The following EFCAB11 variants were observed in gnomAD, a reference collection of about 807,000 sequenced individuals.
The protein encoded by EFCAB11 is EF-hand calcium binding domain 11, also known as EF-hand calcium-binding domain-containing protein 11.
EFCAB11 carries 14 observed loss-of-function variants against 23.0 expected under a neutral mutation model. The ratio of observed to expected loss-of-function variants is 0.61; its 90% confidence interval spans 0.40 to 0.95. The LOEUF is 0.95. Among genes scored for constraint, EFCAB11 ranks in the 40% least tolerant of loss-of-function variants. EFCAB11 has a pLI of 0.00. For missense variants in EFCAB11, 198 were observed against 195.8 expected (o/e 1.01, Z -0.07); for synonymous variants, 65 against 66.6 (o/e 0.98, Z 0.11).
intron 5 of EFCAB11, among the ~76,000 whole-genome samples, chr14:89,810,332 G>C (rs1259072894): frequency 6.6e-6 from 1 of 152,140 alleles, no homozygotes; most frequent in East Asian, 1.9e-4. Flanking sequence ...AAGAACATTT[G>C]GATCCTGCTA....
At chr14:89,936,552 A>C (rs1035305638) in intron 3 of EFCAB11, among the ~76,000 whole-genome samples, 3 of 152,182 alleles carry the variant, frequency 2.0e-5, no homozygotes, top group African/African-American at 7.2e-5. Flanking sequence ...TTTATTTCTT[A>C]AAGTCCATAC....
At chr14:89,866,604 T>C (rs375740764) in intron 5 of EFCAB11, among the ~76,000 whole-genome samples, 3 of 152,192 alleles carry the variant, frequency 2.0e-5, no homozygotes, top group African/African-American at 7.2e-5. Flanking sequence ...TCCTAAGCCC[T>C]GGGCCCACAC....
intron 5 of EFCAB11, among the ~76,000 whole-genome samples, chr14:89,863,379 T>C (rs1030503710): frequency 1.3e-5 from 2 of 152,120 alleles, no homozygotes; most frequent in Non-Finnish European, 2.9e-5. Context: ...TTAAGAAAAA[T>C]AGAATGAAAT....
intron 2 of EFCAB11, among the ~76,000 whole-genome samples, chr14:89,953,128 G>A (rs75781929): frequency 0.096 from 14,478 of 150,724 alleles, 1,789 homozygotes; most frequent in African/African-American, 0.29. Context: ...TGACCTAGCA[G>A]TTATACTTCT....
chr14:89,888,397 AG>A (rs1212693185), intron 5 of EFCAB11, among the ~76,000 whole-genome samples: 6 of 152,262 alleles, frequency 3.9e-5, no homozygotes, highest in Non-Finnish European at 8.8e-5. Flanking sequence ...CAGGCTTTAC[AG>A]GAAGCATGGC....
chr14:89,873,462 C>T (rs528794828), intron 5 of EFCAB11, among the ~76,000 whole-genome samples: 32 of 152,268 alleles, frequency 2.1e-4, no homozygotes, highest in African/African-American at 7.5e-4. Context: ...ACCAAACATG[C>T]CTTCCCAGCA....
chr14:89,814,426 C>T (rs1373923405), intron 5 of EFCAB11, among the ~76,000 whole-genome samples: 3 of 152,260 alleles, frequency 2.0e-5, no homozygotes, highest in South Asian at 4.1e-4. Context: ...CCCAGCAGGC[C>T]GGGAGCAGTG....
In EFCAB11 at chr14:89,882,223, T is replaced by C. The variant is rs535146029; in HGVS notation, c.410+49318A>G. 5.3e-5 allele frequency among the ~76,000 whole-genome samples: 8 copies of C among 152,372 alleles called. No individual in the cohort carries two copies. In the South Asian group the frequency reaches 1.7e-3, roughly 32 times the overall value. On this transcript the variant is annotated intron_variant, in intron 5 of 5. Transcript: ENST00000316738. ...TGGTATCTGTGAAGACTTTATTCAA[T>C]GCATTATAAACTCTTCATTGAGAGG...
intron 3 of EFCAB11, among the ~76,000 whole-genome samples, chr14:89,944,842 A>C (rs1001546211): frequency 6.6e-6 from 1 of 150,958 alleles, no homozygotes; most frequent in African/African-American, 2.4e-5. Flanking sequence ...AGTGTATTAG[A>C]TTTTAATACA....
chr14:89,954,054 T>C, intron 1 of EFCAB11, 53 bp from the exon 2 acceptor site: 1 of 1,490,040 alleles, frequency 6.7e-7, no homozygotes. Flanking sequence ...TTTATTTTTA[T>C]TACTAGTTTA....
chr14:89,898,956 G>A (rs1349008664), intron 5 of EFCAB11, among the ~76,000 whole-genome samples: 1 of 152,116 alleles, frequency 6.6e-6, no homozygotes, highest in South Asian at 2.1e-4. Flanking sequence ...TTCCAGGAGT[G>A]AGCCACCATG....
chr14:89,833,652 C>G (rs1886960704), intron 5 of EFCAB11, among the ~76,000 whole-genome samples: 1 of 152,016 alleles, frequency 6.6e-6, no homozygotes, highest in South Asian at 2.1e-4. Context: ...AGAAGCTTTA[C>G]TACAAGATAT....
chr14:89,924,781 C>G, intron 5 of EFCAB11: 1 of 1,300,906 alleles, frequency 7.7e-7, no homozygotes, highest in Non-Finnish European at 1.0e-6. Context: ...AAGCTCCTGA[C>G]TGCATTTTAA....
intron 5 of EFCAB11, among the ~76,000 whole-genome samples, chr14:89,916,500 T>A (rs1023912318): frequency 6.6e-6 from 1 of 152,208 alleles, no homozygotes; most frequent in African/African-American, 2.4e-5. Flanking sequence ...CCTCCAAGTC[T>A]AAATCTCCAA....
intron 5 of EFCAB11, among the ~76,000 whole-genome samples, chr14:89,920,615 G>A (rs766734188): frequency 1.3e-5 from 2 of 152,210 alleles, no homozygotes; most frequent in Non-Finnish European, 2.9e-5. Context: ...TTCCTGTGAG[G>A]ATCCGTTCAG....
chr14:89,897,271 G>C (rs1889198515), intron 5 of EFCAB11, among the ~76,000 whole-genome samples: 1 of 147,514 alleles, frequency 6.8e-6, no homozygotes, highest in Admixed American at 6.8e-5. Flanking sequence ...GCAGTGGCGT[G>C]ATCTTCGCTC....
At chr14:89,911,865 C>T (rs1051551893) in intron 5 of EFCAB11, among the ~76,000 whole-genome samples, 6 of 152,210 alleles carry the variant, frequency 3.9e-5, no homozygotes, top group African/African-American at 1.2e-4. Context: ...TGACAGAGCA[C>T]GTGTCCTGTG....
chr14:89,886,379 G>A (rs551011641), intron 5 of EFCAB11, among the ~76,000 whole-genome samples: 3 of 151,966 alleles, frequency 2.0e-5, no homozygotes, highest in Non-Finnish European at 2.9e-5. Context: ...TGAGCCGGGC[G>A]TGGTGGCGGG....
In EFCAB11 at chr14:89,855,166, GCTT is replaced by G. The variant is rs200767426; in HGVS notation, c.411-57845_411-57843del. Reference sequence around the variant, plus strand: ...GTTCTTTTGTAGCCTGAATAGGACAGCTTCTTTTTTTTTTTTTTAATAAATGTT... The same window carrying G: ...GTTCTTTTGTAGCCTGAATAGGACAGCTTTTTTTTTTTTTTAATAAATGTT... On this transcript the variant is annotated intron_variant, in intron 5 of 5. Coordinates refer to ENST00000316738, the MANE Select transcript of EFCAB11 (RefSeq NM_145231.4). 6.4e-3 allele frequency among the ~76,000 whole-genome samples: 978 copies of G among 151,818 alleles called. 15 individuals are homozygous for G. Among genetic ancestry groups the G allele is most frequent in the African/African-American group, 0.023 (949 of 41,286 alleles).
Sources: allele counts gnomAD v4.1 joint callset (sites outside exome capture counted in the v4.1 genomes callset), GRCh38; gene constraint gnomAD v4.1.1; transcripts MANE v1.5; gene names NCBI Gene and HGNC (gene_info 2026-07-23, HGNC 2026-07-21).